The following KCNIP4 variants were observed in gnomAD, a reference collection of about 807,000 sequenced individuals.
KCNIP4 encodes potassium voltage-gated channel interacting protein 4, also known as Kv channel-interacting protein 4.
KCNIP4 carries 12 observed loss-of-function variants against 34.0 expected under a neutral mutation model. That is an observed-to-expected ratio of 0.35 (90% CI 0.23 to 0.57). KCNIP4 has a LOEUF of 0.57. Among genes scored for constraint, KCNIP4 ranks in the 20% least tolerant of loss-of-function variants. The pLI is 0.83. For missense variants in KCNIP4, 238 were observed against 311.7 expected, an observed-to-expected ratio of 0.76 and a Z score of 1.78; for synonymous variants, 124 against 102.2, an observed-to-expected ratio of 1.21 and a Z score of -1.29.
intron 1 of KCNIP4, among the ~76,000 whole-genome samples, chr4:21,075,863 G>A (rs1326908252): frequency 6.6e-6 from 1 of 152,096 alleles, no homozygotes; most frequent in Non-Finnish European, 1.5e-5. Flanking sequence ...GCATTTGCTT[G>A]TCTGTAAAGG....
chr4:20,869,735 C>T (rs1723245702), intron 2 of KCNIP4, among the ~76,000 whole-genome samples: 1 of 152,066 alleles, frequency 6.6e-6, no homozygotes, highest in Admixed American at 6.6e-5. Context: ...TAATAAATTA[C>T]AGTAATGATG....
chr4:21,499,330 C>CAAAAAAAAAAAAAAAA (rs527385773), intron 1 of KCNIP4, among the ~76,000 whole-genome samples: 93 of 98,164 alleles, frequency 9.5e-4, no homozygotes, highest in African/African-American at 3.2e-3. Flanking sequence ...GACTCCATCT[C>CAAAAAAAAAAAAAAAA]AAAAAAAAAA....
chr4:21,502,137 A>C (rs1286092768), intron 1 of KCNIP4, among the ~76,000 whole-genome samples: 1 of 152,096 alleles, frequency 6.6e-6, no homozygotes, highest in African/African-American at 2.4e-5. Flanking sequence ...GAGCAGTATA[A>C]AGGAGAAATT....
At chr4:21,586,522 T>A (rs1194364618) in intron 1 of KCNIP4, among the ~76,000 whole-genome samples, 1 of 151,964 alleles carries the variant, frequency 6.6e-6, no homozygotes, top group Non-Finnish European at 1.5e-5. Context: ...AAGGGGAGAT[T>A]TTTTTAAAAA....
At chr4:21,548,334 T>C (rs1738301526) in intron 1 of KCNIP4, among the ~76,000 whole-genome samples, 1 of 152,116 alleles carries the variant, frequency 6.6e-6, no homozygotes, top group African/African-American at 2.4e-5. Flanking sequence ...TTGCAGATTA[T>C]ATGAAGGTCA....
intron 1 of KCNIP4, among the ~76,000 whole-genome samples, chr4:21,946,220 C>T (rs1049391311): frequency 4.0e-5 from 6 of 151,854 alleles, no homozygotes; most frequent in African/African-American, 1.2e-4. Flanking sequence ...AATACATACA[C>T]GTACGCACAC....
chr4:21,209,971 T>G (rs1445954586), intron 1 of KCNIP4, among the ~76,000 whole-genome samples: 1 of 152,186 alleles, frequency 6.6e-6, no homozygotes, highest in Admixed American at 6.6e-5. Flanking sequence ...GCTTAACTGG[T>G]TGAAAGAAGC....
chr4:21,684,901 A>G (rs929580067), intron 1 of KCNIP4, among the ~76,000 whole-genome samples: 25 of 152,122 alleles, frequency 1.6e-4, no homozygotes, highest in Admixed American at 5.2e-4. Flanking sequence ...TGGGAATTGA[A>G]CAATAAAAAC....
chr4:20,843,724 C>A (rs58864993), intron 3 of KCNIP4, among the ~76,000 whole-genome samples: 1 of 152,052 alleles, frequency 6.6e-6, no homozygotes, highest in South Asian at 2.1e-4. Flanking sequence ...AGCGAGACTC[C>A]GTCTCAAGAA....
At chr4:21,303,592 T>C (rs964904331) in intron 1 of KCNIP4, among the ~76,000 whole-genome samples, 4 of 152,202 alleles carry the variant, frequency 2.6e-5, no homozygotes, top group African/African-American at 9.6e-5. Flanking sequence ...CCAAAGTGTT[T>C]CTCCTAGTTT....
chr4:21,886,728 T>C (rs1009881197), intron 1 of KCNIP4, among the ~76,000 whole-genome samples: 2 of 152,178 alleles, frequency 1.3e-5, no homozygotes, highest in Admixed American at 6.6e-5. Flanking sequence ...TCAAGATCAG[T>C]GATATTCTCA....
intron 2 of KCNIP4, among the ~76,000 whole-genome samples, chr4:20,868,937 C>A: frequency 6.6e-6 from 1 of 152,000 alleles, no homozygotes; most frequent in Non-Finnish European, 1.5e-5. Flanking sequence ...TCCCATGTAA[C>A]AAATCTGAAC....
At chr4:21,601,842 C>G (rs911994259) in intron 1 of KCNIP4, among the ~76,000 whole-genome samples, 1 of 152,150 alleles carries the variant, frequency 6.6e-6, no homozygotes, top group African/African-American at 2.4e-5. Flanking sequence ...CTGGTTCTTA[C>G]TCCTTATTCA....
intron 1 of KCNIP4, among the ~76,000 whole-genome samples, chr4:21,857,475 G>A (rs1724830413): frequency 6.6e-6 from 1 of 152,220 alleles, no homozygotes; most frequent in South Asian, 2.1e-4. Flanking sequence ...GGAATGACCA[G>A]TTGTAGACAG....
chr4:21,773,204 A>C (rs1322711670), intron 1 of KCNIP4, among the ~76,000 whole-genome samples: 2 of 152,030 alleles, frequency 1.3e-5, no homozygotes, highest in Non-Finnish European at 2.9e-5. Context: ...AGGCTGTCCA[A>C]TTTCCATGAA....
intron 1 of KCNIP4, among the ~76,000 whole-genome samples, chr4:21,450,742 G>C (rs760127284): frequency 7.2e-5 from 11 of 152,152 alleles, no homozygotes; most frequent in Admixed American, 1.3e-4. Flanking sequence ...CAGTTTATCA[G>C]TTACAAAATG....
Position 21,732,063 on chromosome 4 carries a change from T to C in KCNIP4, c.61+216508A>G, listed in dbSNP as rs541353800. Among the ~76,000 whole-genome samples the C allele has an allele frequency of 9.9e-3, 1,492 of 151,166 alleles. 16 individuals carry two copies. The highest frequency in any genetic ancestry group is 0.016 in the Non-Finnish European group (1,108 of 67,868). ...ATTTAATTGAATAAACTTGATTGTATAATTTTGGCTTAGTTTTTAGATACA... is the reference window on the plus strand; with the variant it reads ...ATTTAATTGAATAAACTTGATTGTACAATTTTGGCTTAGTTTTTAGATACA... On this transcript the variant is annotated intron_variant, in intron 1 of 8. Coordinates refer to ENST00000382152, the MANE Select transcript of KCNIP4 (RefSeq NM_025221.6).
intron 1 of KCNIP4, among the ~76,000 whole-genome samples, chr4:21,255,959 C>G (rs1002630703): frequency 1.3e-5 from 2 of 152,080 alleles, no homozygotes; most frequent in Admixed American, 1.3e-4. Flanking sequence ...GTGAACCAGT[C>G]TGAATAAATC....
At chr4:21,700,217 G>T (rs1712722843) in intron 1 of KCNIP4, among the ~76,000 whole-genome samples, 1 of 152,146 alleles carries the variant, frequency 6.6e-6, no homozygotes. Context: ...GTATATGCAG[G>T]TTCCCTTTTC....
Sources: gnomAD v4.1 joint callset for allele counts (sites outside exome capture counted in the v4.1 genomes callset) on GRCh38, gnomAD v4.1.1 for gene constraint, MANE v1.5 for transcripts, NCBI Gene and HGNC (gene_info 2026-07-23, HGNC 2026-07-21) for gene names.